The following ADAMTSL4 variants were observed in gnomAD, a reference collection of about 807,000 sequenced individuals.
ADAMTSL4 encodes the protein ADAMTS like 4.
ADAMTSL4 carries 97 observed loss-of-function variants against 122.8 expected under a neutral mutation model. That is an observed-to-expected ratio of 0.79 (90% CI 0.67 to 0.93). ADAMTSL4 has a LOEUF of 0.93. Ranked by LOEUF, ADAMTSL4 falls within the 40% of genes least tolerant of loss-of-function variation. The pLI is 0.00. For synonymous variants in ADAMTSL4, 592 were observed against 568.0 expected (o/e 1.04, Z -0.60); for missense variants, 1,408 against 1,453.5 (o/e 0.97, Z 0.51).
At position 150,552,280 on chromosome 1, in the gene ADAMTSL4, G is replaced by C. The variant is rs371209743; in HGVS notation, c.-9G>C. ...TCCTGCCTCCCCCTGGGGCAGTAGA[G>C]GGGGAGCGATGGAGAACTGGACTGG... On this transcript the variant is annotated 5_prime_UTR_variant, in exon 3 of 19. Transcript: ENST00000271643. This position sits in a 1 kb window ranked among gnomAD's most constrained non-coding sequence, Gnocchi z 4.0. 1.9e-6 allele frequency: 3 copies of C among 1,553,706 alleles called. No homozygotes were observed. Among genetic ancestry groups the C allele is most frequent in the East Asian group, 2.4e-5 (1 of 41,356 alleles).
Position 150,552,326 on chromosome 1 carries a change from G to T in ADAMTSL4, c.20+18G>T. 6.4e-7 allele frequency: 1 copy of T among 1,554,800 alleles called. No individual in the cohort carries two copies. The highest frequency in any genetic ancestry group is 8.7e-7 in the Non-Finnish European group (1 of 1,148,062). ...ACTGGCAGGTGAGAGAAGGGGCCAC[G>T]GGTTGGGGGGGAGGAAAAGGGGAGG... On this transcript the variant is annotated intron_variant, in intron 3 of 18. Transcript: ENST00000271643. This position sits in a 1 kb window ranked among gnomAD's most constrained non-coding sequence, Gnocchi z 4.0.
chr1:150,553,954 G>T lies in ADAMTSL4; in HGVS notation c.963G>T (p.Gly321=), dbSNP rs746490683. ...QQGQGPWGTG[G]TPHGPRLEPD... ...GCCAAGGGCCTTGGGGAACGGGGGG[G>T]ACTCCTCACGGGCCCCGCCTGGAGC... The change falls in exon 6 of 19, where the codon GGG becomes GGT. Residue 321 remains glycine, a synonymous_variant. Transcript: ENST00000271643. 3.1e-6 allele frequency: 5 copies of T among 1,610,156 alleles called. No individual in the cohort carries two copies. The highest frequency in any genetic ancestry group is 1.3e-5 in the African/African-American group (1 of 74,988).
Position 150,552,235 on chromosome 1 carries a change from AGTTTTTGTGACCAGTCCG to A in ADAMTSL4, c.-53_-36del. 1 of 1,538,828 alleles carries A rather than the reference AGTTTTTGTGACCAGTCCG, an allele frequency of 6.5e-7. No homozygotes were observed. Among genetic ancestry groups the A allele is most frequent in the South Asian group, 1.2e-5 (1 of 83,548 alleles). ...ACCCTCCACGCCCAGATGCCTGCGT[AGTTTTTGTGACCAGTCCG>A]CTCCTGCCTCCCCCTGGGGCAGTAG... is the stretch of plus-strand genomic sequence containing the variant. On this transcript the variant is annotated 5_prime_UTR_variant, in exon 3 of 19. An upstream open reading frame in the 5' UTR loses its in-frame stop. Coordinates refer to ENST00000271643, the MANE Select transcript of ADAMTSL4 (RefSeq NM_019032.6). The surrounding 1 kb of genome is among the most constrained non-coding windows in gnomAD (Gnocchi z 4.0).
In ADAMTSL4 at chr1:150,554,392, C is replaced by G. The variant is rs763308439; in HGVS notation, c.1159C>G (p.Arg387Gly). The G allele has an allele frequency of 1.9e-6, 3 of 1,613,800 alleles. No individual in the cohort carries two copies. The highest frequency in any genetic ancestry group is 1.7e-5 in the Admixed American group (1 of 60,024). Residue 387 changes from arginine to glycine, a missense_variant, in exon 7 of 19, where the codon CGG becomes GGG. Coordinates refer to ENST00000271643, the MANE Select transcript of ADAMTSL4 (RefSeq NM_019032.6). The surrounding 1 kb of genome is among the most constrained non-coding windows in gnomAD (Gnocchi z 4.0). ...CTGCCCCCCTGAGCAGCCAGACCCCCGGGCCCTGCAGTGCGCAGCCTTTAA... is the reference window on the plus strand; with the variant it reads ...CTGCCCCCCTGAGCAGCCAGACCCCGGGGCCCTGCAGTGCGCAGCCTTTAA... ...APCPPEQPDP[R>G]ALQCAAFNSQ...
At position 150,552,835 on chromosome 1, in the gene ADAMTSL4, A is replaced by G. The variant is rs1671561442; in HGVS notation, c.79-63A>G. Reference sequence around the variant, plus strand: ...TCCGTGAGCCTCAGTGTTGGTCTACATGGACACTCTGGACAGTTCCCTCTA... The same window carrying G: ...TCCGTGAGCCTCAGTGTTGGTCTACGTGGACACTCTGGACAGTTCCCTCTA... On this transcript the variant is annotated intron_variant, in intron 4 of 18. Coordinates refer to ENST00000271643, the MANE Select transcript of ADAMTSL4 (RefSeq NM_019032.6). The surrounding 1 kb of genome is among the most constrained non-coding windows in gnomAD (Gnocchi z 4.0). 3 of 1,545,332 alleles carry G rather than the reference A, an allele frequency of 1.9e-6. No homozygotes were observed. The highest frequency in any genetic ancestry group is 1.1e-5 in the South Asian group (1 of 89,798).
At position 150,558,167 on chromosome 1, in the gene ADAMTSL4, A is replaced by G. The variant is rs1479998509; in HGVS notation, c.2382+18A>G. 10 of 1,612,998 alleles carry G rather than the reference A, an allele frequency of 6.2e-6. No individual in the cohort carries two copies. Among genetic ancestry groups the G allele is most frequent in the Non-Finnish European group, 8.5e-6 (10 of 1,179,848 alleles). ...GGAGCCAGGTGAGTTTGCCCAGGCA[A>G]GGAGGTGCTGGGGAGGGGAATGGGC... On this transcript the variant is annotated intron_variant, in intron 14 of 18. Transcript: ENST00000271643.
rs1671509828 is a variant in ADAMTSL4, at chr1:150,552,392, C to A, written c.20+84C>A. 1.3e-6 allele frequency: 2 copies of A among 1,533,132 alleles called. No individual in the cohort carries two copies. Among genetic ancestry groups the A allele is most frequent in the South Asian group, 2.4e-5 (2 of 84,676 alleles). 95.0% of individuals were successfully genotyped at this position (1,533,132 alleles called of 1,614,324 possible). A position where few individuals can be genotyped will look rare whatever the true frequency, so the allele number is the denominator to read the frequency against. ...GTGTCTGGAAGTGAGGGAAAGGGGACCACTGGGAGGGGCAGGGGAAGTGAT... is the reference window on the plus strand; with the variant it reads ...GTGTCTGGAAGTGAGGGAAAGGGGAACACTGGGAGGGGCAGGGGAAGTGAT... On this transcript the variant is annotated intron_variant, in intron 3 of 18. Transcript: ENST00000271643. This position sits in a 1 kb window ranked among gnomAD's most constrained non-coding sequence, Gnocchi z 4.0.
At chr1:150,550,765 C>T (rs1560281774) in intron 2 of ADAMTSL4, 1 of 456,504 alleles carries the variant, frequency 2.2e-6, no homozygotes, top group Non-Finnish European at 4.4e-6. Context: ...CGGCAACCCC[C>T]ACCCCAACCC....
In ADAMTSL4 at chr1:150,552,772, C is replaced by T; in HGVS notation, c.79-126C>T. ...CACCAAGAGGCCGAGGTGTAGTTCT[C>T]CCTCTGCTGCTGAATGTGACCTTGG... On this transcript the variant is annotated intron_variant, in intron 4 of 18. Transcript: ENST00000271643. This position sits in a 1 kb window ranked among gnomAD's most constrained non-coding sequence, Gnocchi z 4.0. 1.6e-6 allele frequency: 2 copies of T among 1,289,912 alleles called. No homozygotes were observed. Among genetic ancestry groups the T allele is most frequent in the Non-Finnish European group, 1.1e-6 (1 of 901,822 alleles). 79.9% of individuals were successfully genotyped at this position (1,289,912 alleles called of 1,614,324 possible). A position where few individuals can be genotyped will look rare whatever the true frequency, so the allele number is the denominator to read the frequency against.
chr1:150,558,867 A>C, intron 15 of ADAMTSL4, 95 bp from the exon 16 acceptor site: 1 of 1,538,792 alleles, frequency 6.5e-7, no homozygotes, highest in Non-Finnish European at 8.7e-7. Context: ...ACCACCCAGG[A>C]TTCGGACCCA....
chr1:150,550,153 G>C lies in ADAMTSL4; in HGVS notation c.-85+258G>C, dbSNP rs1671247123. On this transcript the variant is annotated intron_variant, in intron 2 of 18. Transcript: ENST00000271643. ...TCTTCACTGGGCAGTGTGGAGAGGT[G>C]TGGCCAGGAGGAGCCCGCGTTTGTC... 1.3e-5 allele frequency: 6 copies of C among 448,906 alleles called. 1 individual carries two copies. Among genetic ancestry groups the C allele is most frequent in the South Asian group, 9.5e-5 (6 of 63,244 alleles). The allele number at this position is 448,906 out of a possible 1,614,324, so 27.8% of individuals were successfully genotyped here.
In ADAMTSL4 at chr1:150,553,686, G is replaced by T; in HGVS notation, c.695G>T (p.Ser232Ile). 6.2e-7 allele frequency: 1 copy of T among 1,611,556 alleles called. No individual in the cohort carries two copies. Among genetic ancestry groups the T allele is most frequent in the Non-Finnish European group, 8.5e-7 (1 of 1,179,408 alleles). ...HTPSPQAEPL[S>I]PETAQTEVAP... ...CCATCCCCCCAAGCAGAACCTCTAA[G>T]CCCTGAAACTGCTCAGACAGAGGTG... The change falls in exon 6 of 19, where the codon AGC becomes ATC. Residue 232 changes from serine (S) to isoleucine (I), a missense_variant. Transcript: ENST00000271643.
chr1:150,558,406 C>T lies in ADAMTSL4; in HGVS notation c.2383-67C>T, dbSNP rs1672424724. 3.1e-6 allele frequency: 5 copies of T among 1,604,920 alleles called. No individual in the cohort carries two copies. The South Asian group carries it at 5.5e-5, about 18-fold the overall frequency. ...CGAAGGCAGAGCCTGGTTCTGAAGC[C>T]TAGAGCTGGAAGCTGGCTGAGAAGG... On this transcript the variant is annotated intron_variant, in intron 14 of 18. Transcript: ENST00000271643.
rs9728540 is a variant in ADAMTSL4 at position 150,555,732 on chromosome 1, C to T, written c.1371+167C>T. 0.53 allele frequency among the ~76,000 whole-genome samples: 80,865 copies of T among 151,382 alleles called. 22,222 individuals carry two copies. The highest frequency in any genetic ancestry group is 0.69 in the African/African-American group (28,222 of 41,108). ...ACATGCACACACGCACACACACACA[C>T]GCACACACACGCATATGCACACACA... On this transcript the variant is annotated intron_variant, in intron 8 of 18. Coordinates refer to ENST00000271643, the MANE Select transcript of ADAMTSL4 (RefSeq NM_019032.6).
Position 150,552,425 on chromosome 1 carries a change from T to C in ADAMTSL4, c.20+117T>C, listed in dbSNP as rs1257680373. On this transcript the variant is annotated intron_variant, in intron 3 of 18. Transcript: ENST00000271643. The surrounding 1 kb of genome is among the most constrained non-coding windows in gnomAD (Gnocchi z 4.0). ...AGGGGCAGGGGAAGTGATGAGTAAC[T>C]TCTGCTTTCTGAGAAGTTGGTAGTC... 1 of 1,563,060 alleles carries C rather than the reference T, an allele frequency of 6.4e-7. No individual in the cohort carries two copies. The highest frequency in any genetic ancestry group is 8.8e-7 in the Non-Finnish European group (1 of 1,142,322).
intron 2 of ADAMTSL4, chr1:150,550,189 T>A: frequency 2.2e-6 from 1 of 456,536 alleles, no homozygotes; most frequent in Non-Finnish European, 4.4e-6. Context: ...CAGACCAGGG[T>A]CTACTCTGGC....
At position 150,559,749 on chromosome 1, in the gene ADAMTSL4, G is replaced by C. The variant is rs1672591441; in HGVS notation, c.2944-12G>C. The C allele has an allele frequency of 1.2e-6, 2 of 1,613,780 alleles. No individual in the cohort carries two copies. Among genetic ancestry groups the C allele is most frequent in the Admixed American group, 1.7e-5 (1 of 60,018 alleles). ...TGGCAAAGGTCTGATATGATGGCTG[G>C]GGTCGCCCCAGTGTTCTCGCTCCTG... On this transcript the variant is annotated splice_polypyrimidine_tract_variant and intron_variant, in intron 17 of 18. Transcript: ENST00000271643. The surrounding 1 kb of genome is among the most constrained non-coding windows in gnomAD (Gnocchi z 4.1).
chr1:150,555,610 C>CAAAG, intron 8 of ADAMTSL4, 45 bp downstream of exon 8: 1 of 1,451,920 alleles, frequency 6.9e-7, no homozygotes, highest in Middle Eastern at 1.8e-4. Flanking sequence ...TGCATATGCA[C>CAAAG]ACAGACACAT....
rs587714650 is a variant in ADAMTSL4, at chr1:150,556,598, G to A, written c.1577-23G>A. On this transcript the variant is annotated intron_variant, in intron 9 of 18. Transcript: ENST00000271643. This position sits in a 1 kb window ranked among gnomAD's most constrained non-coding sequence, Gnocchi z 4.1. ...AGGTATTATCACCCTGGAATTTCCC[G>A]ATCTCTCACCTCTGACCCGCAGCAC... 1.7e-5 allele frequency: 27 copies of A among 1,613,870 alleles called. No individual in the cohort carries two copies. The African/African-American group carries it at 2.3e-4, about 14-fold the overall frequency.
Sources: gnomAD v4.1 joint callset for allele counts (sites outside exome capture counted in the v4.1 genomes callset) on GRCh38, gnomAD v4.1.1 for gene constraint, Gnocchi (gnomAD v3.1) non-coding constraint, MANE v1.5 for transcripts, NCBI Gene and HGNC (gene_info 2026-07-23, HGNC 2026-07-21) for gene names.